NETO1: variants seen among roughly 807,000 people sequenced by gnomAD.
The protein encoded by NETO1 is neuropilin and tolloid like 1.
Under a neutral mutation model 61.3 loss-of-function variants are expected in NETO1, and 26 were observed. The ratio of observed to expected loss-of-function variants is 0.42; its 90% CI spans 0.31 to 0.59. The LOEUF is 0.59. Among genes scored for constraint, NETO1 ranks in the 20% least tolerant of loss-of-function variants. The pLI is 0.12. For synonymous variants in NETO1, 225 were observed against 225.8 expected, an observed-to-expected ratio of 1.00 and a Z score of 0.03; for missense variants, 531 against 662.8, an observed-to-expected ratio of 0.80 and a Z score of 2.18.
intron 4 of NETO1, among the ~76,000 whole-genome samples, chr18:72,856,697 C>T (rs756673067): frequency 1.3e-5 from 2 of 152,158 alleles, no homozygotes; most frequent in Non-Finnish European, 2.9e-5. Flanking sequence ...CAGTGCTCCT[C>T]GCAGCTGTCC....
chr18:72,764,728 T>C (rs1392645763), intron 7 of NETO1, among the ~76,000 whole-genome samples: 3 of 152,138 alleles, frequency 2.0e-5, no homozygotes, highest in African/African-American at 7.2e-5. Context: ...CTAAGCAAAA[T>C]GATTATCACC....
intron 8 of NETO1, 110 bp from the exon 9 acceptor site, chr18:72,750,730 G>C: frequency 1.4e-6 from 1 of 705,164 alleles, no homozygotes; most frequent in Non-Finnish European, 2.2e-6. Context: ...AAAGCAGGCT[G>C]AGCACAGAAT....
intron 7 of NETO1, among the ~76,000 whole-genome samples, 184 bp downstream of exon 7, chr18:72,783,494 T>C (rs1177530406): frequency 6.6e-6 from 1 of 152,114 alleles, no homozygotes; most frequent in Non-Finnish European, 1.5e-5. Context: ...GAAAGCAAAA[T>C]GTAATATGTA....
chr18:72,758,233 T>C (rs2070849128), intron 7 of NETO1, among the ~76,000 whole-genome samples: 1 of 152,304 alleles, frequency 6.6e-6, no homozygotes, highest in East Asian at 1.9e-4. Flanking sequence ...GATCAGTTAC[T>C]ACATATTAGT....
chr18:72,822,458 G>A (rs1362246558), intron 4 of NETO1, among the ~76,000 whole-genome samples: 4 of 152,216 alleles, frequency 2.6e-5, no homozygotes, highest in Non-Finnish European at 2.9e-5. Context: ...CCCGCAGGAC[G>A]TGGGGAGGCG....
At chr18:72,865,033 T>C (rs2074693001) in intron 2 of NETO1, 88 bp from the exon 3 acceptor site, 7 of 1,457,022 alleles carry the variant, frequency 4.8e-6, no homozygotes, top group Non-Finnish European at 5.6e-6. Context: ...TAATATCCAT[T>C]AGTAAATTAA....
At position 72,783,769 on chromosome 18, in the gene NETO1, C is replaced by A. The variant is rs748170460; in HGVS notation, c.777G>T (p.Met259Ile). ...GGATCACCCCAAGACCCGTGCGTAG[C>A]ATGACATCATTAGCCACAGTGCTAC... is the stretch of plus-strand genomic sequence containing the variant. Reference protein sequence around the residue: ...KFCSTVANDVMLRTGLGVIRM... With the variant: ...KFCSTVANDVILRTGLGVIRM... The change falls in exon 7 of 11, where the codon ATG becomes ATT. Residue 259 changes from methionine (M) to isoleucine (I), a missense_variant. Coordinates refer to ENST00000327305, the MANE Select transcript of NETO1 (RefSeq NM_138966.5). 2.5e-6 allele frequency: 4 copies of A among 1,614,084 alleles called. No individual in the cohort carries two copies. The highest frequency in any genetic ancestry group is 1.3e-5 in the African/African-American group (1 of 74,930).
In NETO1 at chr18:72,748,843, A is replaced by G. The variant is rs1194687200; in HGVS notation, c.*14+171T>C. Among the ~76,000 whole-genome samples the G allele has an allele frequency of 2.0e-5, 3 of 152,114 alleles. No individual in the cohort carries two copies. The East Asian group carries it at 5.8e-4, about 29-fold the overall frequency. Reference sequence around the variant, plus strand: ...TGTTTTAAAGGTATGTATCCCGAGAATCATCTCTCCTATAAACACTGAACC... The same window carrying G: ...TGTTTTAAAGGTATGTATCCCGAGAGTCATCTCTCCTATAAACACTGAACC... On this transcript the variant is annotated intron_variant, in intron 10 of 10. Transcript: ENST00000327305.
intron 6 of NETO1, among the ~76,000 whole-genome samples, chr18:72,791,818 A>C (rs2072128632): frequency 6.6e-6 from 1 of 152,198 alleles, no homozygotes; most frequent in African/African-American, 2.4e-5. Context: ...GTGAATCCAC[A>C]CCTTACGAAA....
At chr18:72,864,055 C>A (rs1240085837) in intron 3 of NETO1, among the ~76,000 whole-genome samples, 1 of 151,978 alleles carries the variant, frequency 6.6e-6, no homozygotes, top group Non-Finnish European at 1.5e-5. Context: ...GCCGTCTCTA[C>A]CAAAAATACA....
In NETO1 at chr18:72,747,750, A is replaced by G. The variant is rs1160648086; in HGVS notation, c.*429T>C. 3 of 152,112 alleles carry G rather than the reference A, an allele frequency of 2.0e-5. No homozygotes were observed. Among genetic ancestry groups the G allele is most frequent in the African/African-American group, 7.2e-5 (3 of 41,442 alleles). The allele number at this position is 152,112 out of a possible 1,614,324, so 9.4% of individuals were successfully genotyped here. A position where few individuals can be genotyped will look rare whatever the true frequency, so the allele number is the denominator to read the frequency against. The stretch of plus-strand genomic sequence containing the variant: ...AACGCACTATTCTCAAGCTGTCTAT[A>G]TAATGAAAACAATGTACATGTAACA... On this transcript the variant is annotated 3_prime_UTR_variant, in exon 11 of 11. Transcript: ENST00000327305.
At chr18:72,808,312 G>A (rs1486214901) in intron 4 of NETO1, among the ~76,000 whole-genome samples, 6 of 152,106 alleles carry the variant, frequency 3.9e-5, no homozygotes, top group African/African-American at 1.2e-4. Context: ...TAGGAATAAC[G>A]AAGTGCAGTC....
rs548472451 is a variant in NETO1 at position 72,826,234 on chromosome 18, G to A, written c.470-31830C>T. Among the ~76,000 whole-genome samples, 167 of 152,102 alleles carry A rather than the reference G, an allele frequency of 1.1e-3. 2 individuals carry two copies. The highest frequency in any genetic ancestry group is 3.9e-3 in the African/African-American group (161 of 41,518). On this transcript the variant is annotated intron_variant, in intron 4 of 10. Coordinates refer to ENST00000327305, the MANE Select transcript of NETO1 (RefSeq NM_138966.5). ...TTGAACATTTTCTTATCACCATTACGCAGTTACTCCCTTCATTATTATTAA... is the reference window on the plus strand; with the variant it reads ...TTGAACATTTTCTTATCACCATTACACAGTTACTCCCTTCATTATTATTAA...
At chr18:72,785,974 C>A (rs774211183) in intron 6 of NETO1, among the ~76,000 whole-genome samples, 2 of 152,112 alleles carry the variant, frequency 1.3e-5, no homozygotes, top group African/African-American at 2.4e-5. Flanking sequence ...TTATATGTCC[C>A]TTCTAATAAA....
At chr18:72,758,728 C>T (rs1305771041) in intron 7 of NETO1, among the ~76,000 whole-genome samples, 5 of 152,000 alleles carry the variant, frequency 3.3e-5, no homozygotes, top group East Asian at 1.9e-4. Context: ...TCCAGCTACT[C>T]GGGAGGCTCA....
intron 4 of NETO1, chr18:72,834,321 A>T: frequency 1.1e-6 from 1 of 873,246 alleles, no homozygotes; most frequent in Non-Finnish European, 1.4e-6. Context: ...ACTGTAGTTT[A>T]ACCAGTTACT....
intron 1 of NETO1, chr18:72,865,505 A>G: frequency 6.5e-7 from 1 of 1,541,876 alleles, no homozygotes; most frequent in Non-Finnish European, 8.9e-7. Context: ...TCTAAAGGCA[A>G]CATGTCAATT....
chr18:72,802,071 A>G (rs182495795), intron 4 of NETO1, among the ~76,000 whole-genome samples: 2 of 152,310 alleles, frequency 1.3e-5, no homozygotes, highest in African/African-American at 4.8e-5. Context: ...TATAGATGTT[A>G]ATAATTTCAT....
intron 7 of NETO1, among the ~76,000 whole-genome samples, chr18:72,770,884 T>C (rs1006715351): frequency 1.3e-5 from 2 of 152,150 alleles, no homozygotes. Context: ...CCCTCTTCTC[T>C]TTGATTCTTT....
Sources: allele counts gnomAD v4.1 joint callset (sites outside exome capture counted in the v4.1 genomes callset), GRCh38; gene constraint gnomAD v4.1.1; transcripts MANE v1.5; gene names NCBI Gene and HGNC (gene_info 2026-07-23, HGNC 2026-07-21).